NALCN: variants seen among roughly 807,000 people sequenced by gnomAD.
The protein encoded by NALCN is sodium leak channel NALCN.
Under a neutral mutation model 225.3 loss-of-function variants are expected in NALCN, and 111 were observed. The observed-to-expected ratio is 0.49, with a 90% confidence interval of 0.42 to 0.58. The LOEUF is 0.58. Ranked by LOEUF, NALCN falls within the 20% of genes least tolerant of loss-of-function variation. The pLI, the probability that NALCN is intolerant of heterozygous loss-of-function variation, is 0.00. For synonymous variants in NALCN, 764 were observed against 769.0 expected (o/e 0.99, Z 0.11); for missense variants, 1,378 against 2,202.4 (o/e 0.63, Z 7.49).
At chr13:101,341,148 G>A (rs926569392) in intron 7 of NALCN, among the ~76,000 whole-genome samples, 4 of 151,886 alleles carry the variant, frequency 2.6e-5, no homozygotes, top group Admixed American at 6.6e-5. Context: ...ATTGTATTTT[G>A]TAAATCCTAC....
In NALCN at chr13:101,205,225, G is replaced by C. The variant is rs190422061; in HGVS notation, c.1627-13171C>G. On this transcript the variant is annotated intron_variant, in intron 13 of 43. Coordinates refer to ENST00000251127, the MANE Select transcript of NALCN (RefSeq NM_052867.4). Reference sequence around the variant, plus strand: ...CTCTTTTTTCCAGCACACCTATATTGCACTCCATATAATGCTTGGCTGATT... The same window carrying C: ...CTCTTTTTTCCAGCACACCTATATTCCACTCCATATAATGCTTGGCTGATT... Among the ~76,000 whole-genome samples, 454 of 152,020 alleles carry C rather than the reference G, an allele frequency of 3.0e-3. 3 individuals carry two copies. The highest frequency in any genetic ancestry group is 0.01 in the African/African-American group (435 of 41,486).
chr13:101,191,816 C>T (rs971657285), intron 14 of NALCN, 101 bp downstream of exon 14: 5 of 1,253,778 alleles, frequency 4.0e-6, no homozygotes, highest in Non-Finnish European at 5.5e-6. Flanking sequence ...TGCATTAGTC[C>T]TTTGGCTCCC....
At chr13:101,130,941 G>C (rs1216295113) in intron 17 of NALCN, among the ~76,000 whole-genome samples, 1 of 151,776 alleles carries the variant, frequency 6.6e-6, no homozygotes, top group Non-Finnish European at 1.5e-5. Context: ...TCTTCCTTAG[G>C]GACACCTATA....
chr13:101,078,290 A>G (rs1470252597), intron 34 of NALCN, among the ~76,000 whole-genome samples: 2 of 152,154 alleles, frequency 1.3e-5, no homozygotes, highest in Non-Finnish European at 2.9e-5. Flanking sequence ...GAAGAGGGCC[A>G]CCATCCTCCA....
intron 14 of NALCN, among the ~76,000 whole-genome samples, chr13:101,184,357 A>C (rs2039363991): frequency 6.6e-6 from 1 of 152,172 alleles, no homozygotes; most frequent in Non-Finnish European, 1.5e-5. Flanking sequence ...TGGTACCTGG[A>C]CCAGGGTCTC....
intron 14 of NALCN, among the ~76,000 whole-genome samples, chr13:101,189,176 A>C (rs984720705): frequency 6.6e-6 from 1 of 152,172 alleles, no homozygotes; most frequent in Non-Finnish European, 1.5e-5. Flanking sequence ...GAATGACAGA[A>C]TGTTAAATTT....
At chr13:101,206,919 A>T (rs548343893) in intron 13 of NALCN, among the ~76,000 whole-genome samples, 2 of 152,174 alleles carry the variant, frequency 1.3e-5, no homozygotes, top group South Asian at 4.1e-4. Flanking sequence ...GACTTACATC[A>T]CTAATTAGTC....
rs181600834 is a variant in NALCN at position 101,222,847 on chromosome 13, A to G, written c.1626+6546T>C. Among the ~76,000 whole-genome samples, 323 of 152,294 alleles carry G rather than the reference A, an allele frequency of 2.1e-3. 2 individuals are homozygous for G. The highest frequency in any genetic ancestry group is 7.4e-3 in the African/African-American group (309 of 41,568). The stretch of plus-strand genomic sequence containing the variant: ...TGGAAAGCTCATTCATCCTCTATTA[A>G]AGGCACTTCTACTTCCAGAAAAGGT... On this transcript the variant is annotated intron_variant, in intron 13 of 43. Transcript: ENST00000251127.
rs2034987230 is a variant in NALCN, at chr13:101,104,372, T to C, written c.2812A>G (p.Met938Val). The C allele has an allele frequency of 6.2e-7, 1 of 1,613,774 alleles. No homozygotes were observed. Among genetic ancestry groups the C allele is most frequent in the African/African-American group, 1.3e-5 (1 of 74,912 alleles). ...FMSIELNLKI[M>V]ADGLFFTPTA... ...GGAGTGAAAAATAAGCCATCTGCCA[T>C]AATCTTCAGATTAAGCTCAATGCTC... Residue 938 changes from methionine to valine, a missense_variant, in exon 25 of 44, where the codon ATG becomes GTG. Met to Val is a conservative substitution (Grantham distance 21). Transcript: ENST00000251127. The surrounding 1 kb of genome is among the most constrained non-coding windows in gnomAD (Gnocchi z 4.2).
chr13:101,190,560 C>T (rs933045093), intron 14 of NALCN, among the ~76,000 whole-genome samples: 1 of 152,198 alleles, frequency 6.6e-6, no homozygotes, highest in African/African-American at 2.4e-5. Flanking sequence ...TTTTAAAAGT[C>T]AACTCCATGT....
At chr13:101,318,677 A>G (rs563753467) in intron 7 of NALCN, among the ~76,000 whole-genome samples, 3 of 152,232 alleles carry the variant, frequency 2.0e-5, no homozygotes, top group Non-Finnish European at 4.4e-5. Context: ...ATTATATGCA[A>G]CTAAGGAAAT....
At chr13:101,410,991 G>T (rs1173339360) in intron 1 of NALCN, among the ~76,000 whole-genome samples, 1 of 151,954 alleles carries the variant, frequency 6.6e-6, no homozygotes, top group Non-Finnish European at 1.5e-5. Context: ...TTCAATCTTG[G>T]AATTGTATAT....
chr13:101,234,759 TAATCCAA>T (rs1490495450), intron 12 of NALCN, among the ~76,000 whole-genome samples: 1 of 152,180 alleles, frequency 6.6e-6, no homozygotes, highest in Non-Finnish European at 1.5e-5. Context: ...AATTACAGAA[TAATCCAA>T]AATCAAAGAC....
At chr13:101,268,462 T>C (rs1216910945) in intron 10 of NALCN, among the ~76,000 whole-genome samples, 1 of 152,184 alleles carries the variant, frequency 6.6e-6, no homozygotes, top group Non-Finnish European at 1.5e-5. Context: ...TCATAAATAA[T>C]AACCCTTGTG....
intron 7 of NALCN, among the ~76,000 whole-genome samples, chr13:101,329,912 G>A (rs1030150470): frequency 1.7e-4 from 26 of 151,846 alleles, no homozygotes; most frequent in Admixed American, 1.1e-3. Context: ...GGTGGCTCAC[G>A]CCTGTAGTCC....
intron 10 of NALCN, among the ~76,000 whole-genome samples, chr13:101,262,473 C>G (rs912269129): frequency 5.3e-5 from 8 of 152,186 alleles, no homozygotes; most frequent in Non-Finnish European, 7.3e-5. Context: ...AAACAACACA[C>G]CACTGAGCCA....
chr13:101,357,622 T>C (rs2046102707), intron 6 of NALCN, among the ~76,000 whole-genome samples: 1 of 152,060 alleles, frequency 6.6e-6, no homozygotes, highest in African/African-American at 2.4e-5. Context: ...AAATAAATTA[T>C]AGATTCAATG....
chr13:101,304,938 T>C (rs1182716569), intron 7 of NALCN, among the ~76,000 whole-genome samples: 1 of 151,678 alleles, frequency 6.6e-6, no homozygotes, highest in Non-Finnish European at 1.5e-5. Flanking sequence ...GTATTTTTAG[T>C]AGAGATGGGG....
chr13:101,376,300 C>T (rs544311342), intron 6 of NALCN, among the ~76,000 whole-genome samples: 1 of 152,130 alleles, frequency 6.6e-6, no homozygotes, highest in Non-Finnish European at 1.5e-5. Context: ...TCTACTTTTC[C>T]ACCAGGTTAC....
Sources: gnomAD v4.1 joint callset for allele counts (sites outside exome capture counted in the v4.1 genomes callset) on GRCh38, gnomAD v4.1.1 for gene constraint, Gnocchi (gnomAD v3.1) non-coding constraint, MANE v1.5 for transcripts, NCBI Gene and HGNC (gene_info 2026-07-23, HGNC 2026-07-21) for gene names.